The following SAMD5 variants were observed in gnomAD, a reference collection of about 807,000 sequenced individuals.
The protein encoded by SAMD5 is sterile alpha motif domain containing 5, also known as sterile alpha motif domain-containing protein 5.
A neutral mutation model predicts 11.3 loss-of-function variants in SAMD5; 13 were observed. The observed-to-expected ratio is 1.15, with a 90% CI of 0.75 to 1.83. SAMD5 has a LOEUF of 1.83. SAMD5 is among the 40% of genes most tolerant of loss of function. The pLI, the probability that SAMD5 is intolerant of heterozygous loss-of-function variation, is 0.00. For synonymous variants in SAMD5, 129 were observed against 111.3 expected (o/e 1.16, Z -1.00); for missense variants, 255 against 239.1 (o/e 1.07, Z -0.44).
the SAMD5 span, among the ~76,000 whole-genome samples, chr6:147,782,751 C>G: frequency 1.3e-5 from 2 of 152,190 alleles, no homozygotes; most frequent in Non-Finnish European, 2.9e-5. Context: ...AGGTATTATA[C>G]CATTTTATGA....
chr6:147,951,211 C>G, the SAMD5 span, among the ~76,000 whole-genome samples: 3 of 148,874 alleles, frequency 2.0e-5, no homozygotes, highest in Non-Finnish European at 4.4e-5. Context: ...ATGACGGAGT[C>G]TCGCTCTGTC....
At chr6:147,953,591 C>G in the SAMD5 span, 18 of 152,132 alleles carry the variant, frequency 1.2e-4, no homozygotes, top group Non-Finnish European at 1.5e-5. Context: ...CCAATTCTGC[C>G]TATTTTTGAT....
At chr6:147,839,782 T>C in the SAMD5 span, among the ~76,000 whole-genome samples, 1 of 152,124 alleles carries the variant, frequency 6.6e-6, no homozygotes, top group Non-Finnish European at 1.5e-5. Context: ...ACATGGATAG[T>C]ATTCTCATGG....
chr6:147,788,695 T>C, the SAMD5 span, among the ~76,000 whole-genome samples: 1 of 152,184 alleles, frequency 6.6e-6, no homozygotes, highest in African/African-American at 2.4e-5. Flanking sequence ...AAGTACTATG[T>C]GAATATTAGC....
rs112436708 is a variant in SAMD5, at chr6:147,728,524, C to G, written c.163-8793C>G. Reference sequence around the variant, plus strand: ...CAAAGGGATTAGACCTGAGTCTGATCAAGCCTCTGGATCCCATTGCCAATT... The same window carrying G: ...CAAAGGGATTAGACCTGAGTCTGATGAAGCCTCTGGATCCCATTGCCAATT... On this transcript the variant is annotated intron_variant, in intron 1 of 1. Coordinates refer to the SAMD5 transcript ENST00000566741. 4.8e-3 allele frequency among the ~76,000 whole-genome samples: 738 copies of G among 152,326 alleles called. 5 individuals are homozygous for G. Among genetic ancestry groups the G allele is most frequent in the African/African-American group, 0.017 (705 of 41,562 alleles).
chr6:147,861,129 AG>A, the SAMD5 span, among the ~76,000 whole-genome samples: 1 of 151,890 alleles, frequency 6.6e-6, no homozygotes, highest in African/African-American at 2.4e-5. Context: ...TGGTGCACAC[AG>A]AAAGCCCTTT....
the SAMD5 span, among the ~76,000 whole-genome samples, chr6:147,859,645 C>A: frequency 6.6e-6 from 1 of 152,080 alleles, no homozygotes; most frequent in Non-Finnish European, 1.5e-5. Context: ...ACAAGAGAAC[C>A]CAGGGTGATA....
At chr6:147,902,811 A>G in the SAMD5 span, among the ~76,000 whole-genome samples, 2 of 152,184 alleles carry the variant, frequency 1.3e-5, no homozygotes, top group Admixed American at 6.5e-5. Context: ...CCTAAAAAGC[A>G]ATTTCCTGCA....
intron 1 of SAMD5, among the ~76,000 whole-genome samples, chr6:147,582,966 C>T (rs1402756945): frequency 6.6e-6 from 1 of 152,140 alleles, no homozygotes; most frequent in East Asian, 1.9e-4. Flanking sequence ...GTGTTTCAGG[C>T]ACATGGAGTG....
chr6:147,909,624 CTT>C, the SAMD5 span, among the ~76,000 whole-genome samples: 13 of 68,848 alleles, frequency 1.9e-4, no homozygotes, highest in African/African-American at 9.8e-4. Context: ...TTCTTTCTTT[CTT>C]TCTTTCTCTT....
intron 1 of SAMD5, among the ~76,000 whole-genome samples, chr6:147,625,083 C>G (rs953871552): frequency 6.6e-6 from 1 of 152,108 alleles, no homozygotes; most frequent in Non-Finnish European, 1.5e-5. Flanking sequence ...GCCTTTTGTT[C>G]CAGACCAGTT....
At chr6:147,932,265 A>G in the SAMD5 span, among the ~76,000 whole-genome samples, 2 of 152,136 alleles carry the variant, frequency 1.3e-5, no homozygotes, top group East Asian at 1.9e-4. Context: ...GGGACTTTTC[A>G]GAGAGCTGGG....
intron 1 of SAMD5, among the ~76,000 whole-genome samples, chr6:147,618,134 T>A (rs11155508): frequency 0.26 from 40,190 of 152,148 alleles, 6,590 homozygotes; most frequent in South Asian, 0.36. Context: ...GAAACTGATA[T>A]AACTAAGGCA....
chr6:147,769,426 C>A, the SAMD5 span, among the ~76,000 whole-genome samples: 3 of 152,040 alleles, frequency 2.0e-5, no homozygotes, highest in African/African-American at 7.3e-5. Context: ...TTTCTCTGTG[C>A]TTGGCTTCTT....
the SAMD5 span, among the ~76,000 whole-genome samples, chr6:147,849,009 C>T: frequency 2.0e-5 from 3 of 152,144 alleles, no homozygotes; most frequent in Non-Finnish European, 2.9e-5. Context: ...TAAAGGCTGT[C>T]ACAACTCCTC....
chr6:147,630,761 A>G (rs6941467), intron 1 of SAMD5, among the ~76,000 whole-genome samples: 72,266 of 152,012 alleles, frequency 0.48, 17,656 homozygotes, highest in Middle Eastern at 0.57. Context: ...ATTTGATGCC[A>G]AAACCCATGA....
chr6:147,603,585 C>T (rs933690717), intron 1 of SAMD5, among the ~76,000 whole-genome samples: 1 of 152,120 alleles, frequency 6.6e-6, no homozygotes, highest in Non-Finnish European at 1.5e-5. Context: ...AGCACCAGGG[C>T]CTGGCTGCTC....
chr6:147,560,958 T>A (rs1788938274), intron 1 of SAMD5, among the ~76,000 whole-genome samples: 1 of 152,044 alleles, frequency 6.6e-6, no homozygotes, highest in Admixed American at 6.6e-5. Flanking sequence ...TGATTGAGAG[T>A]GGTCTCAAAG....
At chr6:147,941,956 C>A in the SAMD5 span, among the ~76,000 whole-genome samples, 7 of 152,144 alleles carry the variant, frequency 4.6e-5, no homozygotes, top group African/African-American at 1.7e-4. Context: ...TCACTGCAAC[C>A]TCTGCTTCCC....
Sources: allele counts gnomAD v4.1 joint callset (sites outside exome capture counted in the v4.1 genomes callset), GRCh38; gene constraint gnomAD v4.1.1; transcripts MANE v1.5; gene names NCBI Gene and HGNC (gene_info 2026-07-23, HGNC 2026-07-21).